The following ERCC8 variants were observed in gnomAD, a reference collection of about 807,000 sequenced individuals.
ERCC8 encodes the protein ERCC excision repair 8, CSA ubiquitin ligase complex subunit.
ERCC8 carries 52 observed loss-of-function variants against 54.9 expected under a neutral mutation model. The observed-to-expected ratio is 0.95, with a 90% CI of 0.76 to 1.19. The LOEUF (loss-of-function observed/expected upper bound fraction) is 1.19, where lower values mean the gene tolerates loss of function less well. ERCC8 is among the 50% of genes most tolerant of loss of function. The pLI is 0.00. For synonymous variants in ERCC8, 146 were observed against 157.2 expected, an observed-to-expected ratio of 0.93 and a Z score of 0.53; for missense variants, 514 against 466.1, an observed-to-expected ratio of 1.10 and a Z score of -0.95.
At chr5:60,897,064 A>G (rs1424496264) in intron 9 of ERCC8, among the ~76,000 whole-genome samples, 6 of 152,018 alleles carry the variant, frequency 3.9e-5, no homozygotes, top group Non-Finnish European at 8.8e-5. Flanking sequence ...CAACGCAAGA[A>G]CCTCTTAGCT....
rs1308112023 is a variant in ERCC8 at position 60,867,537 on chromosome 5, A to G, written c.*7078T>C. ...TTCCATAATACTCTGAATTTTGCAT[A>G]TATATGTAAGAAACCATTAGAATAT... On this transcript the variant is annotated 3_prime_UTR_variant, in exon 12 of 12. Transcript: ENST00000676185. 2.0e-5 allele frequency among the ~76,000 whole-genome samples: 3 copies of G among 152,258 alleles called. No homozygotes were observed. Among genetic ancestry groups the G allele is most frequent in the Non-Finnish European group, 4.4e-5 (3 of 68,056 alleles).
intron 1 of ERCC8, among the ~76,000 whole-genome samples, chr5:60,939,175 A>AT (rs1358294358): frequency 6.6e-6 from 1 of 151,988 alleles, no homozygotes; most frequent in African/African-American, 2.4e-5. Context: ...GTTGCTATTC[A>AT]TTTCCATCTT....
At chr5:60,906,627 G>T (rs1324596049) in intron 4 of ERCC8, among the ~76,000 whole-genome samples, 1 of 151,980 alleles carries the variant, frequency 6.6e-6, no homozygotes, top group Non-Finnish European at 1.5e-5. Flanking sequence ...TATATGAGAG[G>T]CTGAGGCAGG....
At position 60,880,168 on chromosome 5, in the gene ERCC8, C is replaced by T. The variant is rs556932269; in HGVS notation, c.1123-5485G>A. On this transcript the variant is annotated intron_variant, in intron 11 of 11. Coordinates refer to ENST00000676185, the MANE Select transcript of ERCC8 (RefSeq NM_000082.4). Reference sequence around the variant, plus strand: ...ATGAAATTCTGGGTTGAAAATTCTTCTCTTTAAGAATGTTGAATATTGGCC... The same window carrying T: ...ATGAAATTCTGGGTTGAAAATTCTTTTCTTTAAGAATGTTGAATATTGGCC... Among the ~76,000 whole-genome samples the T allele has an allele frequency of 6.7e-4, 102 of 152,182 alleles. 1 individual carries two copies. In the South Asian group the frequency reaches 0.018, roughly 27 times the overall value.
At chr5:60,914,582 G>C (rs1310784826) in intron 4 of ERCC8, among the ~76,000 whole-genome samples, 7 of 151,724 alleles carry the variant, frequency 4.6e-5, no homozygotes, top group African/African-American at 1.5e-4. Context: ...TTTGAGGCCA[G>C]ATTTTGACAC....
rs1160242180 is a variant in ERCC8, at chr5:60,872,264, G to A, written c.*2351C>T. Among the ~76,000 whole-genome samples the A allele has an allele frequency of 6.6e-6, 1 of 151,998 alleles. No homozygotes were observed. Among genetic ancestry groups the A allele is most frequent in the Admixed American group, 6.6e-5 (1 of 15,250 alleles). On this transcript the variant is annotated 3_prime_UTR_variant, in exon 12 of 12. Transcript: ENST00000676185. ...TCTGGGCAATGATTTTTTTGGATACGATCTCAAAAGCACAGTAACAAAAGC... is the reference window on the plus strand; with the variant it reads ...TCTGGGCAATGATTTTTTTGGATACAATCTCAAAAGCACAGTAACAAAAGC...
At chr5:60,918,627 T>C in intron 3 of ERCC8, 1 of 496,556 alleles carries the variant, frequency 2.0e-6, no homozygotes, top group Non-Finnish European at 3.7e-6. Context: ...TGAAAGATTC[T>C]CTGTTTTTGT....
In ERCC8 at chr5:60,918,309, A is replaced by C. The variant is rs1164205812; in HGVS notation, c.355T>G (p.Ser119Ala). The change falls in exon 4 of 12, where the codon TCA becomes GCA. Residue 119 changes from serine to alanine, a missense_variant. By Grantham distance (99) the Ser-to-Ala change is moderately conservative. Coordinates refer to ENST00000676185, the MANE Select transcript of ERCC8 (RefSeq NM_000082.4). ...CATACTTTCAGAGTTTTATCAAATGAGCTTGATGTGAACATGCCAGTGTCA... is the reference window on the plus strand; with the variant it reads ...CATACTTTCAGAGTTTTATCAAATGCGCTTGATGTGAACATGCCAGTGTCA... ...PHDTGMFTSS[S>A]FDKTLKVWDT... is the part of the protein sequence containing the mutation. The C allele has an allele frequency of 6.3e-7, 1 of 1,594,618 alleles. No homozygotes were observed. The highest frequency in any genetic ancestry group is 1.1e-5 in the South Asian group (1 of 90,696).
chr5:60,875,636 G>A (rs1457714758), intron 11 of ERCC8, among the ~76,000 whole-genome samples: 1 of 152,094 alleles, frequency 6.6e-6, no homozygotes, highest in Non-Finnish European at 1.5e-5. Flanking sequence ...TTCCAATGCT[G>A]TATTAGCATC....
chr5:60,915,425 T>C lies in ERCC8; in HGVS notation c.399+2840A>G, dbSNP rs1466499922. The C allele has an allele frequency of 5.9e-5, 9 of 152,034 alleles. No homozygotes were observed. The East Asian group carries it at 1.7e-3, about 29-fold the overall frequency. The allele number at this position is 152,034 out of a possible 1,614,324, so 9.4% of individuals were successfully genotyped here. ...ATAAAGCTTGTCTGCTATTGTAGAG[T>C]TCTGTAATAATTTTCTACTGATGCA... On this transcript the variant is annotated intron_variant, in intron 4 of 11. Transcript: ENST00000676185.
chr5:60,877,990 AT>A (rs1324924202), intron 11 of ERCC8, among the ~76,000 whole-genome samples: 1 of 152,172 alleles, frequency 6.6e-6, no homozygotes, highest in Non-Finnish European at 1.5e-5. Context: ...CCCATTCAGT[AT>A]GATATTGGCT....
chr5:60,928,421 G>A (rs1264785940), intron 2 of ERCC8, among the ~76,000 whole-genome samples: 2 of 152,122 alleles, frequency 1.3e-5, no homozygotes, highest in East Asian at 1.9e-4. Context: ...CTGATAATTC[G>A]AAAGGTTAGG....
At chr5:60,936,865 A>G (rs1264165127) in intron 1 of ERCC8, among the ~76,000 whole-genome samples, 1 of 152,086 alleles carries the variant, frequency 6.6e-6, no homozygotes, top group African/African-American at 2.4e-5. Context: ...TTATCATATT[A>G]CCAGAATTGT....
rs1007628814 is a variant in ERCC8, at chr5:60,872,600, T to C, written c.*2015A>G. ...AAACAACGAGATACCACCTAACACC[T>C]GTTAGAATGGCTACTATCAATAACA... On this transcript the variant is annotated 3_prime_UTR_variant, in exon 12 of 12. Transcript: ENST00000676185. Among the ~76,000 whole-genome samples the C allele has an allele frequency of 2.0e-5, 3 of 152,120 alleles. No individual in the cohort carries two copies. Among genetic ancestry groups the C allele is most frequent in the Non-Finnish European group, 2.9e-5 (2 of 68,010 alleles).
At chr5:60,919,631 C>G (rs78267143) in intron 3 of ERCC8, 311 of 152,034 alleles carry the variant, frequency 2.0e-3, no homozygotes, top group African/African-American at 7.2e-3. Context: ...TTTTCTCTTT[C>G]CTCTCTTACC....
chr5:60,917,824 C>G (rs1367043967), intron 4 of ERCC8: 1 of 187,436 alleles, frequency 5.3e-6, no homozygotes, highest in African/African-American at 2.4e-5. Flanking sequence ...TACTAAGCTA[C>G]AGTATTAACA....
chr5:60,935,939 C>G (rs539617582), intron 1 of ERCC8, among the ~76,000 whole-genome samples: 1 of 152,252 alleles, frequency 6.6e-6, no homozygotes, highest in Non-Finnish European at 1.5e-5. Context: ...ATTTGGTTAG[C>G]AAGTATTTTG....
chr5:60,875,685 A>G (rs1025600932), intron 11 of ERCC8, among the ~76,000 whole-genome samples: 12 of 152,052 alleles, frequency 7.9e-5, no homozygotes, highest in Admixed American at 7.2e-4. Flanking sequence ...ATTGCCTTTT[A>G]TAACTTAGAG....
At chr5:60,924,058 C>G (rs1749680538) in intron 2 of ERCC8, among the ~76,000 whole-genome samples, 1 of 152,134 alleles carries the variant, frequency 6.6e-6, no homozygotes, top group Non-Finnish European at 1.5e-5. Context: ...CTTTCTTCCT[C>G]CCTCCTGTAC....
Sources: gnomAD v4.1 joint callset for allele counts (sites outside exome capture counted in the v4.1 genomes callset) on GRCh38, gnomAD v4.1.1 for gene constraint, MANE v1.5 for transcripts, NCBI Gene and HGNC (gene_info 2026-07-23, HGNC 2026-07-21) for gene names.